Variants in SNAP91 observed in about 807,000 individuals in gnomAD.
SNAP91 encodes synaptosome associated protein 91, also known as clathrin coat assembly protein AP180.
A neutral mutation model predicts 100.3 loss-of-function variants in SNAP91; 27 were observed. The observed-to-expected ratio is 0.27, with a 90% CI of 0.20 to 0.37. The LOEUF is 0.37. Ranked by LOEUF, SNAP91 falls within the 10% of genes least tolerant of loss-of-function variation. The pLI, the probability that SNAP91 is intolerant of heterozygous loss-of-function variation, is 1.00. For missense variants in SNAP91, 986 were observed against 1,123.7 expected, an observed-to-expected ratio of 0.88 and a Z score of 1.75; for synonymous variants, 404 against 398.6, an observed-to-expected ratio of 1.01 and a Z score of -0.16.
intron 2 of SNAP91, among the ~76,000 whole-genome samples, chr6:83,687,612 G>A (rs1262371373): frequency 6.6e-6 from 1 of 152,092 alleles, no homozygotes; most frequent in Non-Finnish European, 1.5e-5. Flanking sequence ...GTGAAATGGG[G>A]GTTACTAGCA....
chr6:83,592,432 G>A, intron 21 of SNAP91, 23 bp downstream of exon 21: 1 of 1,536,534 alleles, frequency 6.5e-7, no homozygotes, highest in Non-Finnish European at 8.9e-7. Context: ...TTCCTTAAGT[G>A]TTGATGGAGG....
chr6:83,560,886 T>C lies in SNAP91; in HGVS notation c.2504A>G (p.Gln835Arg), dbSNP rs907365945. 6.2e-7 allele frequency: 1 copy of C among 1,613,816 alleles called. No individual in the cohort carries two copies. ...CACCATTCCAAATCCTGCTCCAGGT[T>C]GTCCAACCGATGGGGCCCCGGCAAC... is the stretch of plus-strand genomic sequence containing the variant. ...PPVAGAPSVG[Q>R]PGAGFGMPPA... is the part of the protein sequence containing the mutation. Residue 835 changes from glutamine (Q) to arginine (R), a missense_variant, in exon 27 of 30, where the codon CAA (glutamine) becomes CGA (arginine). Gln to Arg is a conservative substitution (Grantham distance 43, BLOSUM62 1). Around this residue, in one of 4 missense-constraint regions of SNAP91, gnomAD observed 575 missense variants for 579.9 expected, o/e 0.99. Transcript: ENST00000369694.
At chr6:83,628,588 T>C (rs1488869621) in intron 8 of SNAP91, among the ~76,000 whole-genome samples, 1 of 152,044 alleles carries the variant, frequency 6.6e-6, no homozygotes, top group Non-Finnish European at 1.5e-5. Flanking sequence ...TGGTATCGCA[T>C]TGCAGTTTTG....
chr6:83,597,696 C>T (rs1471659360), intron 16 of SNAP91, among the ~76,000 whole-genome samples: 1 of 152,168 alleles, frequency 6.6e-6, no homozygotes, highest in Non-Finnish European at 1.5e-5. Flanking sequence ...GCTGTTGTTT[C>T]CCTCAGCCTG....
At chr6:83,692,578 T>C (rs563929632) in intron 2 of SNAP91, among the ~76,000 whole-genome samples, 10 of 151,778 alleles carry the variant, frequency 6.6e-5, no homozygotes, top group Admixed American at 3.9e-4. Flanking sequence ...AAAGAGGAGA[T>C]TGAGGTCTAA....
At chr6:83,554,737 TAGAAG>T (rs1775141000) in intron 29 of SNAP91, among the ~76,000 whole-genome samples, 1 of 152,172 alleles carries the variant, frequency 6.6e-6, no homozygotes, top group Non-Finnish European at 1.5e-5. Context: ...AGTGACAGAA[TAGAAG>T]AGAACAGAGA....
intron 13 of SNAP91, among the ~76,000 whole-genome samples, chr6:83,607,329 TTGTGTGTGTGTG>T (rs61335064): frequency 2.8e-5 from 4 of 144,890 alleles, no homozygotes; most frequent in Admixed American, 6.9e-5. Flanking sequence ...CCAAGTTGGG[TTGTGTGTGTGTG>T]TGTGTGTGTG....
chr6:83,676,941 T>TAG (rs2098916099), intron 2 of SNAP91, among the ~76,000 whole-genome samples: 1 of 152,146 alleles, frequency 6.6e-6, no homozygotes, highest in East Asian at 1.9e-4. Context: ...GAATAGCTGA[T>TAG]AGATTTGATG....
At chr6:83,649,063 A>G (rs2098084767) in intron 7 of SNAP91, among the ~76,000 whole-genome samples, 1 of 152,214 alleles carries the variant, frequency 6.6e-6, no homozygotes, top group South Asian at 2.1e-4. Context: ...ATTTAGGCCA[A>G]TAATTCTTTT....
intron 2 of SNAP91, among the ~76,000 whole-genome samples, chr6:83,671,252 T>C (rs1282792413): frequency 2.6e-5 from 4 of 152,116 alleles, no homozygotes; most frequent in Non-Finnish European, 5.9e-5. Flanking sequence ...TAATGTTTTA[T>C]ACTTCTTCAA....
In SNAP91 at chr6:83,630,493, T is replaced by C. The variant is rs217337; in HGVS notation, c.766-7151A>G. Among the ~76,000 whole-genome samples the C allele has an allele frequency of 9.8e-3, 1,491 of 152,250 alleles. 8 individuals are homozygous for C. The highest frequency in any genetic ancestry group is 0.014 in the Non-Finnish European group (964 of 67,988). Reference sequence around the variant, plus strand: ...TGTCTAGTCCTGGGCATTTTTTTGTTGGTAATTTAAAAATTACCATTTCAA... The same window carrying C: ...TGTCTAGTCCTGGGCATTTTTTTGTCGGTAATTTAAAAATTACCATTTCAA... On this transcript the variant is annotated intron_variant, in intron 8 of 29. Coordinates refer to ENST00000369694, the MANE Select transcript of SNAP91 (RefSeq NM_001242792.2).
chr6:83,603,301 A>G (rs1231752341), intron 14 of SNAP91, among the ~76,000 whole-genome samples: 1 of 152,188 alleles, frequency 6.6e-6, no homozygotes, highest in Non-Finnish European at 1.5e-5. Flanking sequence ...ATTTTGGCCC[A>G]TTAGCTTACC....
intron 2 of SNAP91, among the ~76,000 whole-genome samples, chr6:83,705,705 G>T (rs966150304): frequency 2.0e-5 from 3 of 152,042 alleles, no homozygotes; most frequent in Non-Finnish European, 4.4e-5. Flanking sequence ...CAGCTACTCA[G>T]GAGGCTGAGG....
chr6:83,637,339 G>C (rs193286149), intron 8 of SNAP91, among the ~76,000 whole-genome samples: 1 of 152,184 alleles, frequency 6.6e-6, no homozygotes, highest in Admixed American at 6.5e-5. Context: ...CTCTTGGGGG[G>C]CCCACTGTGC....
chr6:83,656,032 A>G (rs2098396639), intron 7 of SNAP91, among the ~76,000 whole-genome samples: 1 of 152,232 alleles, frequency 6.6e-6, no homozygotes, highest in Non-Finnish European at 1.5e-5. Flanking sequence ...CCAGTAATAT[A>G]TCTATCTAAT....
At position 83,591,293 on chromosome 6, in the gene SNAP91, A is replaced by T. The variant is rs1195488750; in HGVS notation, c.1932T>A (p.Asp644Glu). 1.9e-6 allele frequency: 3 copies of T among 1,606,494 alleles called. No individual in the cohort carries two copies. Among genetic ancestry groups the T allele is most frequent in the African/African-American group, 2.7e-5 (2 of 74,836 alleles). ...GTTCAGAAGCACTACTTCCAAATGC[A>T]TCTATCCGTTATCCATTGTGCAGCG... Reference protein sequence around the residue: ...DSSGVIDLFGDAFGSSASEPQ... With the variant: ...DSSGVIDLFGEAFGSSASEPQ... Residue 644 changes from aspartate to glutamate, a missense_variant and splice_region_variant, in exon 22 of 30, where the codon GAT (aspartate) becomes GAA (glutamate). Physicochemically the swap from Asp to Glu is conservative, Grantham distance 45 (BLOSUM62 2). This residue lies in a region of SNAP91 where 575 missense variants were observed against 579.9 expected (regional missense o/e 0.99). Transcript: ENST00000369694.
chr6:83,615,015 T>G (rs1178773079), intron 10 of SNAP91, among the ~76,000 whole-genome samples, 153 bp from the exon 11 acceptor site: 1 of 152,166 alleles, frequency 6.6e-6, no homozygotes, highest in Non-Finnish European at 1.5e-5. Context: ...AAAATGATTT[T>G]AAAGGAAAAA....
chr6:83,674,419 G>A (rs1464086464), intron 2 of SNAP91, among the ~76,000 whole-genome samples: 1 of 151,956 alleles, frequency 6.6e-6, no homozygotes, highest in Non-Finnish European at 1.5e-5. Context: ...GGGCGACAGA[G>A]CAAGATTCCA....
Position 83,656,879 on chromosome 6 carries a change from AAAATTT to A in SNAP91, c.547-20_547-15del, listed in dbSNP as rs2098418267. ...ATTTGGATGCACCTAGAAAAACAGA[AAAATTT>A]AATATTAGCGGCATATCATTAAGTC... On this transcript the variant is annotated splice_polypyrimidine_tract_variant and intron_variant, in intron 6 of 29. Coordinates refer to ENST00000369694, the MANE Select transcript of SNAP91 (RefSeq NM_001242792.2). The A allele has an allele frequency of 7.9e-7, 1 of 1,272,306 alleles. No individual in the cohort carries two copies. Among genetic ancestry groups the A allele is most frequent in the Admixed American group, 2.1e-5 (1 of 48,190 alleles). The allele number at this position is 1,272,306 out of a possible 1,614,324, so 78.8% of individuals were successfully genotyped here.
Sources: gnomAD v4.1 joint callset for allele counts (sites outside exome capture counted in the v4.1 genomes callset) on GRCh38, gnomAD v4.1.1 for gene constraint, gnomAD v4.1.1 regional missense constraint, MANE v1.5 for transcripts, NCBI Gene and HGNC (gene_info 2026-07-23, HGNC 2026-07-21) for gene names.